The following FSTL5 variants were observed in gnomAD, a reference collection of about 807,000 sequenced individuals.
FSTL5 encodes follistatin-related protein 5.
Under a neutral mutation model 89.1 loss-of-function variants are expected in FSTL5, and 62 were observed. The ratio of observed to expected loss-of-function variants is 0.70; its 90% CI spans 0.57 to 0.86. FSTL5 has a LOEUF of 0.86. FSTL5 is among the 40% of genes least tolerant of loss of function. The probability of loss-of-function intolerance (pLI) is 0.00; values close to 1 mark genes in which losing one functional copy is unlikely to be tolerated. For missense variants in FSTL5, 1,057 were observed against 1,001.6 expected, an observed-to-expected ratio of 1.06 and a Z score of -0.75; for synonymous variants, 383 against 346.2, an observed-to-expected ratio of 1.11 and a Z score of -1.18.
intron 4 of FSTL5, among the ~76,000 whole-genome samples, chr4:161,786,124 A>G (rs1472147022): frequency 6.6e-6 from 1 of 152,056 alleles, no homozygotes; most frequent in African/African-American, 2.4e-5. Context: ...CAAGACAATT[A>G]TTTCCAAAAT....
intron 1 of FSTL5, among the ~76,000 whole-genome samples, chr4:162,153,359 C>A (rs1246138294): frequency 6.6e-6 from 1 of 151,804 alleles, no homozygotes; most frequent in East Asian, 1.9e-4. Flanking sequence ...GCACTCTTAT[C>A]CCTTAGTAAT....
chr4:161,739,892 T>C (rs866451324), intron 6 of FSTL5, among the ~76,000 whole-genome samples: 1 of 152,130 alleles, frequency 6.6e-6, no homozygotes, highest in African/African-American at 2.4e-5. Context: ...GTTTCTTTTG[T>C]AGACTATTCT....
At chr4:161,946,736 G>A (rs1734744375) in intron 3 of FSTL5, among the ~76,000 whole-genome samples, 2 of 152,164 alleles carry the variant, frequency 1.3e-5, no homozygotes. Flanking sequence ...GTGGAAGTAT[G>A]TTCTCATTAT....
At chr4:162,087,792 A>C (rs2111349096) in intron 2 of FSTL5, among the ~76,000 whole-genome samples, 1 of 152,310 alleles carries the variant, frequency 6.6e-6, no homozygotes, top group African/African-American at 2.4e-5. Context: ...ACAATCCCAG[A>C]GCTCACATTA....
intron 7 of FSTL5, among the ~76,000 whole-genome samples, chr4:161,602,550 C>T (rs1312550086): frequency 2.0e-5 from 3 of 151,892 alleles, no homozygotes; most frequent in Non-Finnish European, 4.4e-5. Context: ...TTCTTAAATT[C>T]TTAAAGAATA....
chr4:161,797,907 GT>G (rs1729681579), intron 4 of FSTL5, among the ~76,000 whole-genome samples: 1 of 151,586 alleles, frequency 6.6e-6, no homozygotes, highest in Non-Finnish European at 1.5e-5. Flanking sequence ...ACCCATGAAT[GT>G]TATGTCCATC....
intron 8 of FSTL5, among the ~76,000 whole-genome samples, chr4:161,581,794 T>A (rs1282039330): frequency 6.6e-6 from 1 of 152,226 alleles, no homozygotes; most frequent in Non-Finnish European, 1.5e-5. Flanking sequence ...GTATGAGGGC[T>A]TAAATAATTT....
chr4:161,733,443 T>C (rs1206382690), intron 6 of FSTL5, among the ~76,000 whole-genome samples: 2 of 152,096 alleles, frequency 1.3e-5, no homozygotes, highest in East Asian at 3.9e-4. Flanking sequence ...AACAAAAACA[T>C]TTTTGCTTAA....
chr4:161,732,908 T>C (rs1739665284), intron 6 of FSTL5, among the ~76,000 whole-genome samples: 1 of 151,900 alleles, frequency 6.6e-6, no homozygotes, highest in Non-Finnish European at 1.5e-5. Context: ...TATAATGTTT[T>C]AAAATTAGAT....
At chr4:161,840,567 A>G (rs1731179199) in intron 4 of FSTL5, among the ~76,000 whole-genome samples, 1 of 152,204 alleles carries the variant, frequency 6.6e-6, no homozygotes, top group African/African-American at 2.4e-5. Context: ...ACAGACGTGA[A>G]CAGTAATAAA....
intron 8 of FSTL5, among the ~76,000 whole-genome samples, chr4:161,557,265 GAT>G (rs1732427224): frequency 6.6e-6 from 1 of 151,082 alleles, no homozygotes; most frequent in Admixed American, 6.6e-5. Flanking sequence ...GCTAAACAAA[GAT>G]AAAATATTTC....
At chr4:161,758,572 G>T (rs1470570675) in intron 6 of FSTL5, among the ~76,000 whole-genome samples, 2 of 152,038 alleles carry the variant, frequency 1.3e-5, no homozygotes, top group Non-Finnish European at 2.9e-5. Context: ...AGGCTGGACT[G>T]CAATGGCGCC....
chr4:162,030,606 T>C (rs1467829030), intron 3 of FSTL5, among the ~76,000 whole-genome samples: 1 of 152,162 alleles, frequency 6.6e-6, no homozygotes, highest in African/African-American at 2.4e-5. Context: ...CAACATCCTT[T>C]TATTTACGGA....
chr4:161,932,868 T>G (rs1442835220), intron 3 of FSTL5, among the ~76,000 whole-genome samples: 1 of 152,108 alleles, frequency 6.6e-6, no homozygotes, highest in East Asian at 1.9e-4. Flanking sequence ...TTAGCTGAAA[T>G]TCCTAGGCTT....
chr4:161,496,058 C>A (rs1396164722), intron 12 of FSTL5, among the ~76,000 whole-genome samples: 2 of 152,104 alleles, frequency 1.3e-5, no homozygotes, highest in Non-Finnish European at 2.9e-5. Flanking sequence ...AATACTGTTT[C>A]ATGGCAATTG....
At chr4:161,666,454 C>T (rs143534900) in intron 6 of FSTL5, among the ~76,000 whole-genome samples, 1 of 152,086 alleles carries the variant, frequency 6.6e-6, no homozygotes, top group Non-Finnish European at 1.5e-5. Flanking sequence ...TAAATGTATA[C>T]ATAAACTTGC....
At chr4:161,442,491 C>G (rs1004345747) in intron 15 of FSTL5, among the ~76,000 whole-genome samples, 62 of 152,094 alleles carry the variant, frequency 4.1e-4, no homozygotes, top group African/African-American at 1.4e-3. Context: ...TGGCTGATAA[C>G]TGGCAATTCT....
chr4:161,785,690 G>A (rs1415586138), intron 4 of FSTL5, among the ~76,000 whole-genome samples: 2 of 152,098 alleles, frequency 1.3e-5, no homozygotes, highest in Non-Finnish European at 2.9e-5. Context: ...ACATTTATAG[G>A]AATATAGTAC....
intron 15 of FSTL5, among the ~76,000 whole-genome samples, chr4:161,442,712 T>C (rs1274809099): frequency 1.3e-5 from 2 of 152,062 alleles, no homozygotes; most frequent in Non-Finnish European, 2.9e-5. Context: ...CAATTCATCA[T>C]CCCAAGGGAA....
Sources: allele counts gnomAD v4.1 joint callset (sites outside exome capture counted in the v4.1 genomes callset), GRCh38; gene constraint gnomAD v4.1.1; transcripts MANE v1.5; gene names NCBI Gene and HGNC (gene_info 2026-07-23, HGNC 2026-07-21).